The following PALMD variants were observed in gnomAD, a reference collection of about 807,000 sequenced individuals.
PALMD encodes palmdelphin, also known as paralemmin-like protein.
Under a neutral mutation model 56.2 loss-of-function variants are expected in PALMD, and 42 were observed. The ratio of observed to expected loss-of-function variants is 0.75; its 90% CI spans 0.58 to 0.97. PALMD has a LOEUF of 0.97. PALMD is among the 50% of genes least tolerant of loss of function. The pLI is 0.00. For missense variants in PALMD, 660 were observed against 643.8 expected, an observed-to-expected ratio of 1.03 and a Z score of -0.27; for synonymous variants, 242 against 222.9, an observed-to-expected ratio of 1.09 and a Z score of -0.76.
intron 3 of PALMD, among the ~76,000 whole-genome samples, chr1:99,677,169 CAA>C (rs1372763089): frequency 6.6e-6 from 1 of 151,998 alleles, no homozygotes; most frequent in Non-Finnish European, 1.5e-5. Context: ...CCACTGAGAG[CAA>C]AGACTGATTA....
At chr1:99,667,873 T>A in intron 3 of PALMD, 107 bp downstream of exon 3, 3 of 1,073,700 alleles carry the variant, frequency 2.8e-6, no homozygotes, top group Non-Finnish European at 2.7e-6. Context: ...AAATCTTCCA[T>A]TTGAATTTCT....
chr1:99,676,779 A>G (rs1388991547), intron 3 of PALMD, among the ~76,000 whole-genome samples: 1 of 150,098 alleles, frequency 6.7e-6, no homozygotes, highest in Non-Finnish European at 1.5e-5. Flanking sequence ...CCAACTTTAA[A>G]AAGTAAAAAA....
At chr1:99,683,118 GAAAGAAAGA>G (rs1264261357) in intron 3 of PALMD, 12 of 116,350 alleles carry the variant, frequency 1.0e-4, no homozygotes, top group Non-Finnish European at 2.0e-4. Flanking sequence ...AAGAAAGAAA[GAAAGAAAGA>G]AAGAAAGAAA....
chr1:99,652,181 A>G (rs1652601490), intron 1 of PALMD, among the ~76,000 whole-genome samples: 1 of 152,224 alleles, frequency 6.6e-6, no homozygotes, highest in Admixed American at 6.5e-5. Context: ...CTAGGCCAAG[A>G]AAAGCTAAGG....
chr1:99,691,565 A>G (rs1005513582), intron 7 of PALMD, among the ~76,000 whole-genome samples: 3 of 152,210 alleles, frequency 2.0e-5, no homozygotes, highest in African/African-American at 7.2e-5. Context: ...CCAATTCGGC[A>G]TACAGACTAC....
chr1:99,688,846 C>A lies in PALMD; in HGVS notation c.586C>A (p.Pro196Thr), dbSNP rs1247040209. ...AGAAAGTACAGTTCTGTCTTCAATA[C>A]CTCTGCCATCAGATGACTTTAAAGG... Reference protein sequence around the residue: ...TGESTVLSSIPLPSDDFKGTG... With the variant: ...TGESTVLSSITLPSDDFKGTG... The change falls in exon 7 of 8, where the codon CCT becomes ACT. Residue 196 changes from proline to threonine, a missense_variant. Coordinates refer to ENST00000263174, the MANE Select transcript of PALMD (RefSeq NM_017734.5). The A allele has an allele frequency of 1.9e-6, 3 of 1,612,032 alleles. No homozygotes were observed. The highest frequency in any genetic ancestry group is 2.5e-6 in the Non-Finnish European group (3 of 1,178,234).
intron 1 of PALMD, among the ~76,000 whole-genome samples, chr1:99,651,304 C>T (rs1333034335): frequency 6.6e-6 from 1 of 152,196 alleles, no homozygotes; most frequent in Non-Finnish European, 1.5e-5. Context: ...GTTTTGATAG[C>T]TCATTAAGGA....
Position 99,667,783 on chromosome 1 carries a change from G to C in PALMD, c.251+17G>C. The C allele has an allele frequency of 6.2e-7, 1 of 1,609,332 alleles. No homozygotes were observed. The highest frequency in any genetic ancestry group is 8.5e-7 in the Non-Finnish European group (1 of 1,176,120). ...TATCCTCAGGTATGGCCCTCACTGA[G>C]ATACTCCACAACTACCTTTATTTTG... On this transcript the variant is annotated intron_variant, in intron 3 of 7. Transcript: ENST00000263174.
At chr1:99,681,824 T>C (rs940146743) in intron 3 of PALMD, among the ~76,000 whole-genome samples, 1 of 152,112 alleles carries the variant, frequency 6.6e-6, no homozygotes, top group Non-Finnish European at 1.5e-5. Context: ...TTGCCAAATA[T>C]CCCCAGGGAA....
In PALMD at chr1:99,667,882, C is replaced by CA. The variant is rs1653002947; in HGVS notation, c.251+116_251+117insA. 6.6e-6 allele frequency: 5 copies of CA among 759,526 alleles called. No individual in the cohort carries two copies. The East Asian group carries it at 1.5e-4, about 22-fold the overall frequency. The allele number at this position is 759,526 out of a possible 1,614,324, so 47.0% of individuals were successfully genotyped here. A position where few individuals can be genotyped will look rare whatever the true frequency, so the allele number is the denominator to read the frequency against. On this transcript the variant is annotated intron_variant, in intron 3 of 7. Coordinates refer to ENST00000263174, the MANE Select transcript of PALMD (RefSeq NM_017734.5). ...ATAATCAAATCTTCCATTTGAATTTCTTTTTTTTTTTTTTAAGGCACGCTT... is the reference window on the plus strand; with the variant it reads ...ATAATCAAATCTTCCATTTGAATTTCATTTTTTTTTTTTTTAAGGCACGCTT...
intron 1 of PALMD, among the ~76,000 whole-genome samples, chr1:99,660,422 C>T (rs2100858142): frequency 6.6e-6 from 1 of 152,290 alleles, no homozygotes; most frequent in South Asian, 2.1e-4. Context: ...CATAGTATCT[C>T]TTTGTTATGA....
intron 3 of PALMD, 71 bp from the exon 4 acceptor site, chr1:99,686,605 G>A: frequency 1.4e-6 from 1 of 726,466 alleles, no homozygotes; most frequent in African/African-American, 1.8e-5. Context: ...TTTATATATG[G>A]GGAAGACATA....
At chr1:99,659,793 C>A (rs1023499724) in intron 1 of PALMD, among the ~76,000 whole-genome samples, 1 of 152,134 alleles carries the variant, frequency 6.6e-6, no homozygotes, top group Non-Finnish European at 1.5e-5. Flanking sequence ...TAGGATCATG[C>A]CTATAAACAT....
chr1:99,649,822 A>G (rs1425108005), intron 1 of PALMD, among the ~76,000 whole-genome samples: 1 of 152,244 alleles, frequency 6.6e-6, no homozygotes, highest in African/African-American at 2.4e-5. Flanking sequence ...TTTAAGAACT[A>G]GAATCCAATT....
chr1:99,662,297 T>C (rs1557668694), intron 1 of PALMD, 22 bp from the exon 2 acceptor site: 8 of 1,250,034 alleles, frequency 6.4e-6, no homozygotes, highest in Non-Finnish European at 9.3e-6. Flanking sequence ...AAATAAAATA[T>C]ACTGGAACTT....
intron 3 of PALMD, chr1:99,684,808 T>C (rs1653449645): frequency 6.6e-6 from 1 of 152,272 alleles, no homozygotes; most frequent in Non-Finnish European, 1.5e-5. Context: ...GAGCCACTTC[T>C]CTCAGCCCAA....
intron 1 of PALMD, among the ~76,000 whole-genome samples, chr1:99,652,967 G>T (rs1328592639): frequency 6.6e-6 from 1 of 152,116 alleles, no homozygotes; most frequent in Admixed American, 6.6e-5. Flanking sequence ...GTTTTTAAGA[G>T]GTTTGGAACA....
At chr1:99,646,601 A>G (rs888934824) in intron 1 of PALMD, among the ~76,000 whole-genome samples, 9 of 152,252 alleles carry the variant, frequency 5.9e-5, no homozygotes, top group African/African-American at 2.2e-4. Flanking sequence ...TTTAAACAAC[A>G]ATCAAAAGCT....
intron 1 of PALMD, among the ~76,000 whole-genome samples, chr1:99,660,967 G>C (rs1314453426): frequency 1.3e-5 from 2 of 152,182 alleles, no homozygotes; most frequent in Non-Finnish European, 2.9e-5. Flanking sequence ...TACAGTTGGA[G>C]AGCAATATGT....
Sources: allele counts gnomAD v4.1 joint callset (sites outside exome capture counted in the v4.1 genomes callset), GRCh38; gene constraint gnomAD v4.1.1; transcripts MANE v1.5; gene names NCBI Gene and HGNC (gene_info 2026-07-23, HGNC 2026-07-21).